The following FMN1 variants were observed in gnomAD, a reference collection of about 807,000 sequenced individuals.
FMN1 encodes the protein formin-1.
In FMN1, 110 loss-of-function variants were observed where a neutral mutation model predicts 132.4. That is an observed-to-expected ratio of 0.83 (90% confidence interval 0.71 to 0.97). The LOEUF (loss-of-function observed/expected upper bound fraction) is 0.97. Among genes scored for constraint, FMN1 ranks in the 50% least tolerant of loss-of-function variants. FMN1 has a pLI of 0.00. For missense variants in FMN1, 1,792 were observed against 1,705.3 expected (o/e 1.05, Z -0.90); for synonymous variants, 722 against 651.7 (o/e 1.11, Z -1.64).
intron 9 of FMN1, among the ~76,000 whole-genome samples, chr15:32,961,759 C>T (rs765134872): frequency 1.8e-4 from 28 of 152,148 alleles, no homozygotes; most frequent in African/African-American, 3.4e-4. Flanking sequence ...TCATCTCAGG[C>T]TATGGTGCAG....
At chr15:33,049,752 G>A (rs1044244642) in intron 6 of FMN1, among the ~76,000 whole-genome samples, 10 of 152,282 alleles carry the variant, frequency 6.6e-5, no homozygotes, top group Middle Eastern at 3.4e-3. Context: ...TGTCCAAATC[G>A]TGTTCAAATA....
At chr15:32,901,382 G>T (rs1419971196) in intron 13 of FMN1, among the ~76,000 whole-genome samples, 1 of 152,204 alleles carries the variant, frequency 6.6e-6, no homozygotes, top group Admixed American at 6.5e-5. Context: ...AAGAGCATGG[G>T]TCAACTGTGA....
At chr15:32,810,949 C>T (rs749004738) in intron 17 of FMN1, 8 of 455,854 alleles carry the variant, frequency 1.8e-5, no homozygotes, top group African/African-American at 6.0e-5. Context: ...GTGATGCTAA[C>T]GAGGAAACAA....
chr15:32,786,496 T>C (rs1280132655), intron 19 of FMN1, among the ~76,000 whole-genome samples: 1 of 152,082 alleles, frequency 6.6e-6, no homozygotes, highest in Non-Finnish European at 1.5e-5. Context: ...AAAAGGGGTA[T>C]ATAGAGCTTC....
chr15:32,810,683 G>A (rs1025854599), intron 17 of FMN1, among the ~76,000 whole-genome samples: 1 of 152,180 alleles, frequency 6.6e-6, no homozygotes, highest in Non-Finnish European at 1.5e-5. Flanking sequence ...GGCTGAAGGA[G>A]GAGGCCACTC....
chr15:33,190,557 C>T (rs182143068), intron 2 of FMN1, among the ~76,000 whole-genome samples: 9 of 152,114 alleles, frequency 5.9e-5, no homozygotes, highest in East Asian at 5.8e-4. Flanking sequence ...TAGATACTCA[C>T]GTGGGGGAAA....
intron 4 of FMN1, among the ~76,000 whole-genome samples, chr15:33,100,240 AAAGGT>A (rs1453215296): frequency 1.1e-4 from 16 of 151,702 alleles, no homozygotes; most frequent in Non-Finnish European, 1.9e-4. Flanking sequence ...AAAAAAAAAA[AAAGGT>A]AGGAAATATA....
At chr15:33,046,739 A>G (rs892957542) in intron 6 of FMN1, among the ~76,000 whole-genome samples, 1 of 141,838 alleles carries the variant, frequency 7.1e-6, no homozygotes, top group Non-Finnish European at 1.6e-5. Flanking sequence ...CTTACAAGTC[A>G]GACTTCTGGT....
chr15:33,088,701 A>C (rs2038793655), intron 5 of FMN1, 98 bp downstream of exon 5: 2 of 1,058,284 alleles, frequency 1.9e-6, no homozygotes, highest in Non-Finnish European at 2.6e-6. Context: ...CCATACATTA[A>C]ATGCAGCTTT....
At chr15:33,125,307 T>A (rs1962948506) in intron 4 of FMN1, among the ~76,000 whole-genome samples, 1 of 152,224 alleles carries the variant, frequency 6.6e-6, no homozygotes, top group South Asian at 2.1e-4. Context: ...TGATGCATAG[T>A]AAGCCGTCAA....
At chr15:32,934,791 T>A (rs1314069908) in intron 9 of FMN1, among the ~76,000 whole-genome samples, 2 of 151,746 alleles carry the variant, frequency 1.3e-5, no homozygotes, top group East Asian at 1.9e-4. Flanking sequence ...ATTTTTAATA[T>A]AGGTGGGGTT....
chr15:32,995,547 T>C (rs2140881565), intron 7 of FMN1, among the ~76,000 whole-genome samples: 1 of 152,286 alleles, frequency 6.6e-6, no homozygotes, highest in East Asian at 1.9e-4. Flanking sequence ...CTAAGTGTAG[T>C]GTCTGGCATA....
At chr15:32,787,489 A>G (rs1290849728) in intron 19 of FMN1, among the ~76,000 whole-genome samples, 1 of 152,228 alleles carries the variant, frequency 6.6e-6, no homozygotes, top group African/African-American at 2.4e-5. Flanking sequence ...ACAGACCAGC[A>G]GGAAAGTAAG....
chr15:32,812,405 C>T (rs1408156459), intron 17 of FMN1, among the ~76,000 whole-genome samples: 2 of 152,148 alleles, frequency 1.3e-5, no homozygotes, highest in African/African-American at 4.8e-5. Context: ...TTTTGTCCCC[C>T]ACATTTTGGG....
At chr15:32,793,568 A>C (rs192268606) in intron 19 of FMN1, among the ~76,000 whole-genome samples, 1 of 152,340 alleles carries the variant, frequency 6.6e-6, no homozygotes, top group African/African-American at 2.4e-5. Flanking sequence ...GGCATGAGCC[A>C]CTACGCCCGG....
chr15:32,816,784 C>T (rs527429275), intron 17 of FMN1, among the ~76,000 whole-genome samples: 1 of 152,208 alleles, frequency 6.6e-6, no homozygotes, highest in African/African-American at 2.4e-5. Flanking sequence ...AGTTAAATTT[C>T]ATTGGGCAGT....
At chr15:32,954,781 G>A (rs1403471383) in intron 9 of FMN1, among the ~76,000 whole-genome samples, 4 of 152,160 alleles carry the variant, frequency 2.6e-5, no homozygotes, top group African/African-American at 7.2e-5. Context: ...CAAGGTGGGC[G>A]GATCACTTGA....
chr15:32,835,355 A>G (rs926605992), intron 17 of FMN1, among the ~76,000 whole-genome samples: 4 of 152,198 alleles, frequency 2.6e-5, no homozygotes, highest in African/African-American at 9.7e-5. Flanking sequence ...TTCCTCTTCC[A>G]AAGTGAAATA....
intron 9 of FMN1, among the ~76,000 whole-genome samples, chr15:32,933,332 G>A (rs2061169987): frequency 6.6e-6 from 1 of 152,216 alleles, no homozygotes; most frequent in Admixed American, 6.5e-5. Context: ...ATTGTGGTCA[G>A]AAAAGATACA....
Sources: gnomAD v4.1 joint callset for allele counts (sites outside exome capture counted in the v4.1 genomes callset) on GRCh38, gnomAD v4.1.1 for gene constraint, MANE v1.5 for transcripts, NCBI Gene and HGNC (gene_info 2026-07-23, HGNC 2026-07-21) for gene names.